Variants in KHDRBS3 observed in about 807,000 individuals in gnomAD.
The protein encoded by KHDRBS3 is KH RNA binding domain containing, signal transduction associated 3.
A neutral mutation model predicts 45.6 loss-of-function variants in KHDRBS3; 23 were observed. The observed-to-expected ratio is 0.50, with a 90% CI of 0.36 to 0.72. The LOEUF is 0.72. Among genes scored for constraint, KHDRBS3 ranks in the 30% least tolerant of loss-of-function variants. KHDRBS3 has a pLI of 0.00. For synonymous variants in KHDRBS3, 162 were observed against 156.5 expected (o/e 1.04, Z -0.26); for missense variants, 352 against 424.8 (o/e 0.83, Z 1.51).
At chr8:135,543,879 A>C (rs1826162801) in intron 3 of KHDRBS3, among the ~76,000 whole-genome samples, 1 of 152,184 alleles carries the variant, frequency 6.6e-6, no homozygotes, top group African/African-American at 2.4e-5. Flanking sequence ...TACTGTTTAA[A>C]AGTAGATTCC....
chr8:135,534,145 C>A (rs1318881003), intron 2 of KHDRBS3, among the ~76,000 whole-genome samples: 1 of 151,836 alleles, frequency 6.6e-6, no homozygotes, highest in African/African-American at 2.4e-5. Context: ...TACTTTAGAC[C>A]CACCTCTAGA....
chr8:135,643,293 C>T (rs1375320924), intron 7 of KHDRBS3, among the ~76,000 whole-genome samples: 1 of 152,160 alleles, frequency 6.6e-6, no homozygotes, highest in Non-Finnish European at 1.5e-5. Context: ...GCACTGCATG[C>T]TCCAAGCCAT....
Position 135,647,460 on chromosome 8 carries a change from G to GT in KHDRBS3, c.*385dup, listed in dbSNP as rs1013416706. 4.8e-4 allele frequency: 74 copies of GT among 154,006 alleles called. No individual in the cohort carries two copies. The highest frequency in any genetic ancestry group is 1.2e-3 in the African/African-American group (48 of 41,416). The allele number at this position is 154,006 out of a possible 1,614,324, so 9.5% of individuals were successfully genotyped here. On this transcript the variant is annotated 3_prime_UTR_variant, in exon 9 of 9. Coordinates refer to ENST00000355849, the MANE Select transcript of KHDRBS3 (RefSeq NM_006558.3). The stretch of plus-strand genomic sequence containing the variant: ...TATTTTATCTTTCAGCCATATGCTA[G>GT]TTTTTTTTTCTCTTGCCAACATGCG...
At chr8:135,524,208 C>G (rs934302815) in intron 2 of KHDRBS3, among the ~76,000 whole-genome samples, 1 of 152,000 alleles carries the variant, frequency 6.6e-6, no homozygotes, top group African/African-American at 2.4e-5. Flanking sequence ...TAGAGATGAG[C>G]CTTCTCCATG....
chr8:135,577,086 C>G (rs1180592551), intron 5 of KHDRBS3, among the ~76,000 whole-genome samples: 1 of 150,644 alleles, frequency 6.6e-6, no homozygotes, highest in Admixed American at 6.6e-5. Context: ...ACTTCATCAA[C>G]TAGAACAGTG....
At chr8:135,546,517 G>A (rs989724404) in intron 3 of KHDRBS3, among the ~76,000 whole-genome samples, 1 of 152,070 alleles carries the variant, frequency 6.6e-6, no homozygotes, top group South Asian at 2.1e-4. Flanking sequence ...CTTCATGCTG[G>A]ATGTTTTGCC....
rs573918316 is a variant in KHDRBS3, at chr8:135,626,282, ATTTG to A, written c.891-18772_891-18769del. 2.4e-4 allele frequency among the ~76,000 whole-genome samples: 36 copies of A among 152,352 alleles called. No homozygotes were observed. The South Asian group carries it at 2.9e-3, about 12-fold the overall frequency. On this transcript the variant is annotated intron_variant, in intron 7 of 8. Transcript: ENST00000355849. ...TAAATCCTAAAGTCTAATTTCTGAT[ATTTG>A]TTTGGCTTCAAAGCCTGATTTTTAA...
At chr8:135,505,183 T>G (rs2130536446) in intron 1 of KHDRBS3, among the ~76,000 whole-genome samples, 1 of 152,328 alleles carries the variant, frequency 6.6e-6, no homozygotes, top group South Asian at 2.1e-4. Flanking sequence ...TAGAAAGACC[T>G]CAATGCCATT....
At position 135,535,563 on chromosome 8, in the gene KHDRBS3, A is replaced by G. The variant is rs796781162; in HGVS notation, c.208-7091A>G. 8.6e-5 allele frequency among the ~76,000 whole-genome samples: 13 copies of G among 151,882 alleles called. No individual in the cohort carries two copies. In the South Asian group the frequency reaches 2.5e-3, roughly 29 times the overall value. On this transcript the variant is annotated intron_variant, in intron 2 of 8. Transcript: ENST00000355849. Reference sequence around the variant, plus strand: ...CATTATGGTCTTTATGGGATAGAACAGTTATTATATATTTATATGTGTGTT... The same window carrying G: ...CATTATGGTCTTTATGGGATAGAACGGTTATTATATATTTATATGTGTGTT...
At chr8:135,483,989 G>A (rs112694216) in intron 1 of KHDRBS3, among the ~76,000 whole-genome samples, 2,334 of 152,174 alleles carry the variant, frequency 0.015, 46 homozygotes, top group Non-Finnish European at 0.015. Context: ...GAATTGGACC[G>A]CTTAGGTTTG....
chr8:135,546,844 A>G (rs1338307288), intron 3 of KHDRBS3, among the ~76,000 whole-genome samples: 1 of 152,122 alleles, frequency 6.6e-6, no homozygotes, highest in Non-Finnish European at 1.5e-5. Flanking sequence ...GTCATCATTA[A>G]TCTGTAGAGT....
intron 2 of KHDRBS3, among the ~76,000 whole-genome samples, chr8:135,537,976 A>G (rs1442460510): frequency 1.3e-5 from 2 of 152,172 alleles, no homozygotes. Context: ...AAGACCACAG[A>G]AAGGGACTAT....
At chr8:135,598,243 G>T (rs1829056353) in intron 6 of KHDRBS3, among the ~76,000 whole-genome samples, 3 of 152,212 alleles carry the variant, frequency 2.0e-5, no homozygotes, top group Admixed American at 2.0e-4. Context: ...CAGCTTGAGA[G>T]TGTTAAAAGG....
At chr8:135,566,435 C>G (rs1827419241) in intron 5 of KHDRBS3, among the ~76,000 whole-genome samples, 1 of 152,110 alleles carries the variant, frequency 6.6e-6, no homozygotes, top group South Asian at 2.1e-4. Context: ...CTTCATAATT[C>G]AATCAAACAC....
At chr8:135,526,952 A>C (rs1207150096) in intron 2 of KHDRBS3, among the ~76,000 whole-genome samples, 1 of 151,080 alleles carries the variant, frequency 6.6e-6, no homozygotes, top group Non-Finnish European at 1.5e-5. Flanking sequence ...TTTTGCAGAT[A>C]AACCTTAACC....
At chr8:135,518,846 A>C (rs1237813067) in intron 1 of KHDRBS3, among the ~76,000 whole-genome samples, 1 of 152,176 alleles carries the variant, frequency 6.6e-6, no homozygotes, top group East Asian at 1.9e-4. Context: ...AGTTGATTAC[A>C]ATTATTTCTG....
chr8:135,509,833 A>C (rs1427581155), intron 1 of KHDRBS3, among the ~76,000 whole-genome samples: 2 of 152,098 alleles, frequency 1.3e-5, no homozygotes, highest in Non-Finnish European at 2.9e-5. Flanking sequence ...AATTCTGAGT[A>C]GTGTTTGGAA....
intron 3 of KHDRBS3, among the ~76,000 whole-genome samples, chr8:135,543,703 A>G (rs1470015090): frequency 1.3e-5 from 2 of 152,204 alleles, no homozygotes; most frequent in African/African-American, 2.4e-5. Context: ...TTCATTTTAC[A>G]TGTAAGGAAA....
chr8:135,626,637 A>C (rs1288588202), intron 7 of KHDRBS3, among the ~76,000 whole-genome samples: 1 of 152,104 alleles, frequency 6.6e-6, no homozygotes, highest in Non-Finnish European at 1.5e-5. Context: ...CCCCGTTTCT[A>C]CTAAAAAATA....
Sources: allele counts gnomAD v4.1 joint callset (sites outside exome capture counted in the v4.1 genomes callset), GRCh38; gene constraint gnomAD v4.1.1; transcripts MANE v1.5; gene names NCBI Gene and HGNC (gene_info 2026-07-23, HGNC 2026-07-21).